TCERG1: variants seen among roughly 807,000 people sequenced by gnomAD.
TCERG1 encodes the protein TATA box binding protein (TBP)-associated factor, RNA polymerase II, S, 150kD.
A neutral mutation model predicts 144.7 loss-of-function variants in TCERG1; 37 were observed. The ratio of observed to expected loss-of-function variants is 0.26; its 90% confidence interval spans 0.20 to 0.34. The LOEUF (loss-of-function observed/expected upper bound fraction) is 0.34. Ranked by LOEUF, TCERG1 falls within the 10% of genes least tolerant of loss-of-function variation. TCERG1 has a pLI of 1.00. For missense variants in TCERG1, 1,027 were observed against 1,380.7 expected, an observed-to-expected ratio of 0.74 and a Z score of 4.06; for synonymous variants, 492 against 458.2, an observed-to-expected ratio of 1.07 and a Z score of -0.94.
In TCERG1 at chr5:146,509,492, C is replaced by CT. The variant is rs35545475; in HGVS notation, c.3146+261dup. On this transcript the variant is annotated intron_variant, in intron 22 of 22. Transcript: ENST00000679501. The stretch of plus-strand genomic sequence containing the variant: ...CACCCATCCAGTTTTGAATACATAC[C>CT]TTTTTTTTTTTTTTACTTCACCGCT... Among the ~76,000 whole-genome samples the CT allele has an allele frequency of 6.9e-4, 97 of 141,536 alleles. 1 individual carries two copies. The highest frequency in any genetic ancestry group is 1.6e-3 in the South Asian group (7 of 4,496). 92.9% of individuals were successfully genotyped at this position (141,536 alleles called of 152,430 possible).
intron 6 of TCERG1, 81 bp from the exon 7 acceptor site, chr5:146,469,459 TAGAA>T (rs1423419841): frequency 3.6e-6 from 4 of 1,116,724 alleles, no homozygotes; most frequent in African/African-American, 3.2e-5. Flanking sequence ...TAATATTTAA[TAGAA>T]AGATTTAGCT....
At chr5:146,484,326 T>C (rs1765633587) in intron 15 of TCERG1, among the ~76,000 whole-genome samples, 1 of 152,176 alleles carries the variant, frequency 6.6e-6, no homozygotes, top group South Asian at 2.1e-4. Context: ...TTCTAAAGCA[T>C]TGCACACTTC....
In TCERG1 at chr5:146,471,475, T is replaced by C. The variant is rs560644508; in HGVS notation, c.1513-13T>C. On this transcript the variant is annotated splice_polypyrimidine_tract_variant and intron_variant, in intron 8 of 22. Transcript: ENST00000679501. ...TAATGTGATACTAATTAGAGTAATA[T>C]CATTTCTTGTAGGAGCCCAAAGAAG... The C allele has an allele frequency of 2.1e-4, 336 of 1,607,970 alleles. 3 individuals carry two copies. In the South Asian group the frequency reaches 3.5e-3, roughly 17 times the overall value.
At chr5:146,482,969 T>C (rs904477003) in intron 14 of TCERG1, among the ~76,000 whole-genome samples, 1 of 152,124 alleles carries the variant, frequency 6.6e-6, no homozygotes, top group African/African-American at 2.4e-5. Context: ...GGTCATTAAA[T>C]TGTGGTGAGT....
intron 5 of TCERG1, among the ~76,000 whole-genome samples, chr5:146,464,132 C>T (rs936424585): frequency 7.9e-5 from 12 of 152,166 alleles, no homozygotes; most frequent in African/African-American, 2.9e-4. Flanking sequence ...AATCACGTCA[C>T]AATAGCTAAC....
chr5:146,482,751 GAT>G, intron 14 of TCERG1, 24 bp downstream of exon 14: 1 of 1,582,360 alleles, frequency 6.3e-7, no homozygotes, highest in Non-Finnish European at 8.6e-7. Context: ...CTTTGGGGGA[GAT>G]ATTTCTGTTT....
At chr5:146,503,161 A>G (rs1767637607) in intron 17 of TCERG1, 3 of 290,188 alleles carry the variant, frequency 1.0e-5, no homozygotes, top group Non-Finnish European at 1.9e-5. Flanking sequence ...ATTTTAGATG[A>G]AAGCCTATAT....
intron 9 of TCERG1, among the ~76,000 whole-genome samples, chr5:146,475,059 A>G (rs144650750): frequency 1.3e-5 from 2 of 152,188 alleles, no homozygotes; most frequent in East Asian, 3.9e-4. Context: ...TCCTGCTCCA[A>G]CTTATTTAAT....
chr5:146,488,919 A>G (rs1766127604), intron 15 of TCERG1, among the ~76,000 whole-genome samples: 3 of 152,192 alleles, frequency 2.0e-5, no homozygotes, highest in Admixed American at 2.0e-4. Context: ...TGGAACTGGA[A>G]GTCATGTTAA....
At chr5:146,510,364 A>G (rs2150957694) in intron 22 of TCERG1, 77 bp from the exon 23 acceptor site, 1 of 986,238 alleles carries the variant, frequency 1.0e-6, no homozygotes, top group Non-Finnish European at 1.5e-6. Context: ...TAGGAACTAG[A>G]TGGACATTTC....
chr5:146,492,525 A>C (rs1766523550), intron 15 of TCERG1, among the ~76,000 whole-genome samples: 1 of 152,184 alleles, frequency 6.6e-6, no homozygotes, highest in East Asian at 1.9e-4. Context: ...GAAAATACTT[A>C]TGTCTTAAGA....
chr5:146,462,744 A>G (rs1239734990), intron 4 of TCERG1, among the ~76,000 whole-genome samples: 1 of 151,992 alleles, frequency 6.6e-6, no homozygotes, highest in African/African-American at 2.4e-5. Flanking sequence ...CTTCCTATGC[A>G]TCTGTGAGGT....
At chr5:146,447,761 G>A (rs991225930) in intron 1 of TCERG1, among the ~76,000 whole-genome samples, 18 of 152,212 alleles carry the variant, frequency 1.2e-4, no homozygotes, top group African/African-American at 4.1e-4. Context: ...TCCCCAGGCC[G>A]CGCTCCGCTG....
intron 22 of TCERG1, chr5:146,510,227 G>C (rs1768349722): frequency 2.7e-6 from 2 of 744,770 alleles, no homozygotes; most frequent in African/African-American, 3.6e-5. Flanking sequence ...CACTAGGGGT[G>C]GGAGGGTAAT....
intron 15 of TCERG1, among the ~76,000 whole-genome samples, chr5:146,491,632 G>T (rs1766435452): frequency 6.6e-6 from 1 of 152,138 alleles, no homozygotes; most frequent in African/African-American, 2.4e-5. Context: ...CTGTGTCTTA[G>T]TATTTGGTAT....
chr5:146,500,452 T>A (rs1767322752), intron 17 of TCERG1, among the ~76,000 whole-genome samples: 1 of 152,166 alleles, frequency 6.6e-6, no homozygotes. Flanking sequence ...GCAAGAGCAG[T>A]ACCAGTAGCA....
chr5:146,489,844 A>T (rs751653264), intron 15 of TCERG1, among the ~76,000 whole-genome samples: 1 of 152,190 alleles, frequency 6.6e-6, no homozygotes, highest in Non-Finnish European at 1.5e-5. Context: ...AACATAGGGA[A>T]CATAAAGCCA....
At chr5:146,499,600 TCTA>T (rs1418056542) in intron 17 of TCERG1, 4 of 152,332 alleles carry the variant, frequency 2.6e-5, no homozygotes, top group Non-Finnish European at 5.9e-5. Context: ...AAAATCAAAT[TCTA>T]CTACATAATT....
intron 16 of TCERG1, 60 bp from the exon 17 acceptor site, chr5:146,498,476 T>C (rs1030775767): frequency 1.3e-6 from 2 of 1,530,198 alleles, no homozygotes; most frequent in Admixed American, 2.1e-5. Context: ...TATCTTCTGC[T>C]ATGCCTTTAT....
Sources: allele counts gnomAD v4.1 joint callset (sites outside exome capture counted in the v4.1 genomes callset), GRCh38; gene constraint gnomAD v4.1.1; transcripts MANE v1.5; gene names NCBI Gene and HGNC (gene_info 2026-07-23, HGNC 2026-07-21).